Variants in CNTN5 observed in about 807,000 individuals in gnomAD.
CNTN5 encodes the protein contactin 5.
A neutral mutation model predicts 129.1 loss-of-function variants in CNTN5; 77 were observed. The observed-to-expected ratio is 0.60, with a 90% CI of 0.50 to 0.72. The LOEUF is 0.72. Among genes scored for constraint, CNTN5 ranks in the 30% least tolerant of loss-of-function variants. CNTN5 has a pLI of 0.00. For synonymous variants in CNTN5, 509 were observed against 465.6 expected (o/e 1.09, Z -1.20); for missense variants, 1,478 against 1,328.8 (o/e 1.11, Z -1.75).
At chr11:99,740,455 G>A (rs1943852527) in intron 3 of CNTN5, among the ~76,000 whole-genome samples, 1 of 152,102 alleles carries the variant, frequency 6.6e-6, no homozygotes, top group African/African-American at 2.4e-5. Flanking sequence ...TATGTTTTGA[G>A]AAACTCAAGT....
At chr11:99,552,822 C>A (rs1948538222) in intron 2 of CNTN5, among the ~76,000 whole-genome samples, 2 of 152,074 alleles carry the variant, frequency 1.3e-5, no homozygotes, top group Non-Finnish European at 2.9e-5. Flanking sequence ...CTCGCTGGTT[C>A]TCTCCCTCTC....
intron 3 of CNTN5, among the ~76,000 whole-genome samples, chr11:99,743,589 C>T (rs34397855): frequency 0.021 from 3,221 of 152,202 alleles, 40 homozygotes; most frequent in Non-Finnish European, 0.033. Flanking sequence ...ATGAGTGTTT[C>T]TTACACCATC....
chr11:99,509,537 AGC>A (rs1205340879), intron 2 of CNTN5, among the ~76,000 whole-genome samples: 1 of 152,174 alleles, frequency 6.6e-6, no homozygotes, highest in East Asian at 1.9e-4. Context: ...GAAATTTTAA[AGC>A]AGTCTTTTAA....
At chr11:99,160,827 A>G (rs1358230988) in intron 1 of CNTN5, among the ~76,000 whole-genome samples, 1 of 152,216 alleles carries the variant, frequency 6.6e-6, no homozygotes, top group East Asian at 1.9e-4. Flanking sequence ...TTTAAGGCAA[A>G]AACATTGTTA....
intron 3 of CNTN5, among the ~76,000 whole-genome samples, chr11:99,706,530 C>G (rs1382466141): frequency 6.6e-6 from 1 of 151,446 alleles, no homozygotes; most frequent in Non-Finnish European, 1.5e-5. Context: ...CTAAGTCACT[C>G]TCACTATCTC....
At chr11:100,108,144 A>G (rs955986016) in intron 13 of CNTN5, among the ~76,000 whole-genome samples, 3 of 152,030 alleles carry the variant, frequency 2.0e-5, no homozygotes, top group African/African-American at 7.2e-5. Context: ...CCAGAAGGCC[A>G]AGCTGAGAAC....
intron 8 of CNTN5, among the ~76,000 whole-genome samples, chr11:99,982,141 A>G (rs1456701087): frequency 6.6e-6 from 1 of 152,202 alleles, no homozygotes; most frequent in African/African-American, 2.4e-5. Flanking sequence ...ACTTCAGTGA[A>G]TGACTAATGA....
chr11:99,921,473 C>A (rs973062494), intron 7 of CNTN5, among the ~76,000 whole-genome samples: 3 of 152,170 alleles, frequency 2.0e-5, no homozygotes, highest in Non-Finnish European at 4.4e-5. Context: ...CTTAGTAAAA[C>A]CTTTTACAAT....
chr11:99,070,247 T>TC lies in CNTN5; in HGVS notation c.-210+48978dup, dbSNP rs1865290030. ...GTGACGAGAGAAGATCATCTCATCT[T>TC]CTCTTTTTGCACAGGTCTCACCCTT... On this transcript the variant is annotated intron_variant, in intron 1 of 24. Coordinates refer to ENST00000524871, the MANE Select transcript of CNTN5 (RefSeq NM_014361.4). Among the ~76,000 whole-genome samples, 4 of 150,992 alleles carry TC rather than the reference T, an allele frequency of 2.6e-5. No individual in the cohort carries two copies. In the South Asian group the frequency reaches 8.3e-4, roughly 31 times the overall value.
intron 3 of CNTN5, among the ~76,000 whole-genome samples, chr11:99,582,991 G>T (rs1949663509): frequency 6.6e-6 from 1 of 152,186 alleles, no homozygotes; most frequent in Admixed American, 6.5e-5. Flanking sequence ...GTGACGTACA[G>T]ATGGGTTTTT....
intron 1 of CNTN5, among the ~76,000 whole-genome samples, chr11:99,159,507 A>G (rs1490480416): frequency 6.6e-6 from 1 of 152,096 alleles, no homozygotes; most frequent in Non-Finnish European, 1.5e-5. Flanking sequence ...CTGTAGTCCC[A>G]GCTACTCAGG....
intron 3 of CNTN5, among the ~76,000 whole-genome samples, chr11:99,622,121 T>C (rs1384778593): frequency 2.0e-5 from 3 of 152,220 alleles, no homozygotes; most frequent in African/African-American, 7.2e-5. Context: ...TGCCTAGTAC[T>C]TGGCTAAGTG....
intron 20 of CNTN5, among the ~76,000 whole-genome samples, chr11:100,306,334 G>T (rs1056700014): frequency 2.6e-5 from 4 of 151,598 alleles, no homozygotes; most frequent in African/African-American, 7.3e-5. Flanking sequence ...ACTACTGAAA[G>T]TTGATAGAGA....
At chr11:100,306,925 A>G (rs1951362896) in intron 20 of CNTN5, among the ~76,000 whole-genome samples, 2 of 151,756 alleles carry the variant, frequency 1.3e-5, no homozygotes, top group African/African-American at 4.8e-5. Context: ...GTAAAAATTA[A>G]TGTGAATTTG....
chr11:99,985,113 C>G (rs774206111), intron 8 of CNTN5, among the ~76,000 whole-genome samples: 1 of 152,070 alleles, frequency 6.6e-6, no homozygotes, highest in African/African-American at 2.4e-5. Flanking sequence ...GCTTACTTAG[C>G]CCCTTGCCTC....
intron 2 of CNTN5, among the ~76,000 whole-genome samples, chr11:99,418,512 A>C (rs948916422): frequency 2.3e-4 from 35 of 152,338 alleles, no homozygotes; most frequent in African/African-American, 7.5e-4. Flanking sequence ...AATTGGATTT[A>C]ATTGGATCCA....
intron 3 of CNTN5, among the ~76,000 whole-genome samples, chr11:99,744,982 C>T (rs1471604357): frequency 6.6e-6 from 1 of 152,150 alleles, no homozygotes; most frequent in African/African-American, 2.4e-5. Context: ...ATCACAATTA[C>T]AAAGATCAGT....
At chr11:99,360,336 T>G (rs984641685) in intron 2 of CNTN5, among the ~76,000 whole-genome samples, 2 of 152,186 alleles carry the variant, frequency 1.3e-5, no homozygotes, top group African/African-American at 4.8e-5. Context: ...CAGGAGCAGT[T>G]CTCCCTCTTG....
chr11:99,465,255 C>A (rs967556502), intron 2 of CNTN5, among the ~76,000 whole-genome samples: 1 of 152,008 alleles, frequency 6.6e-6, no homozygotes, highest in Non-Finnish European at 1.5e-5. Flanking sequence ...TTGATTTAGC[C>A]CCCCACAGCT....
Sources: allele counts gnomAD v4.1 joint callset (sites outside exome capture counted in the v4.1 genomes callset), GRCh38; gene constraint gnomAD v4.1.1; transcripts MANE v1.5; gene names NCBI Gene and HGNC (gene_info 2026-07-23, HGNC 2026-07-21).